The following TM7SF3 variants were observed in gnomAD, a reference collection of about 807,000 sequenced individuals.
TM7SF3 encodes seven span transmembrane protein.
Under a neutral mutation model 65.5 loss-of-function variants are expected in TM7SF3, and 60 were observed. That is an observed-to-expected ratio of 0.92 (90% CI 0.74 to 1.14). The LOEUF (loss-of-function observed/expected upper bound fraction) is 1.14, where lower values mean the gene tolerates loss of function less well. Ranked by LOEUF, TM7SF3 falls within the 50% of genes most tolerant of loss-of-function variation. The pLI, the probability that TM7SF3 is intolerant of heterozygous loss-of-function variation, is 0.00. For synonymous variants in TM7SF3, 264 were observed against 259.6 expected, an observed-to-expected ratio of 1.02 and a Z score of -0.16; for missense variants, 623 against 684.8, an observed-to-expected ratio of 0.91 and a Z score of 1.01.
intron 5 of TM7SF3, among the ~76,000 whole-genome samples, chr12:26,994,203 A>C (rs1172815278): frequency 6.6e-6 from 1 of 152,216 alleles, no homozygotes; most frequent in Non-Finnish European, 1.5e-5. Context: ...AGAGCTTCTT[A>C]TTTTGTGAAT....
In TM7SF3 at chr12:26,974,155, CCT is replaced by C. The variant is rs746160862; in HGVS notation, c.1521_1522del (p.Gly508ThrfsTer27). On this transcript the variant is annotated frameshift_variant, in exon 12 of 12. Transcript: ENST00000343028. LOFTEE classifies it high-confidence loss of function. ...TGGGTGGGGAGGGAAGAACGGTCGT[CCT>C]CTCTCTCTTCGAATCTGTAACGTAA... The C allele has an allele frequency of 2.5e-6, 4 of 1,614,136 alleles. No homozygotes were observed. The highest frequency in any genetic ancestry group is 2.2e-5 in the East Asian group (1 of 44,888).
Position 27,014,105 on chromosome 12 carries a change from C to T in TM7SF3, c.64G>A (p.Ala22Thr), listed in dbSNP as rs769051350. ...TCGCTGGAATTCCCGAAGACCTCGG[C>T]TGCACCAGCCACCCGGTGTTCGGAT... The part of the protein sequence containing the change: ...LASEHRVAGA[A>T]EVFGNSSEGL... Residue 22 changes from alanine (A) to threonine (T), a missense_variant, in exon 1 of 12, where the codon GCC becomes ACC. By Grantham distance (58) the Ala-to-Thr change is moderately conservative. Coordinates refer to ENST00000343028, the MANE Select transcript of TM7SF3 (RefSeq NM_016551.3). 1.9e-6 allele frequency: 3 copies of T among 1,572,866 alleles called. No homozygotes were observed. In the South Asian group the frequency reaches 3.5e-5, roughly 18 times the overall value.
intron 6 of TM7SF3, among the ~76,000 whole-genome samples, chr12:26,989,451 A>C (rs1394028146): frequency 6.6e-6 from 1 of 152,116 alleles, no homozygotes; most frequent in African/African-American, 2.4e-5. Flanking sequence ...AAAAAAGAAA[A>C]GAGTTATACA....
intron 8 of TM7SF3, chr12:26,980,334 C>A: frequency 1.8e-6 from 1 of 547,312 alleles, no homozygotes. Flanking sequence ...GGTCTATAAT[C>A]AATATGGCCC....
chr12:26,974,611 C>A (rs1398984539), intron 11 of TM7SF3, among the ~76,000 whole-genome samples: 1 of 152,102 alleles, frequency 6.6e-6, no homozygotes, highest in Non-Finnish European at 1.5e-5. Context: ...ACATCAGATT[C>A]CACCACGCTC....
At chr12:27,000,326 T>C (rs1940778167) in intron 2 of TM7SF3, among the ~76,000 whole-genome samples, 2 of 152,242 alleles carry the variant, frequency 1.3e-5, no homozygotes, top group Non-Finnish European at 2.9e-5. Flanking sequence ...AGATTTACTA[T>C]GTCAAATAAT....
At chr12:27,002,663 A>G (rs1264374127) in intron 2 of TM7SF3, among the ~76,000 whole-genome samples, 1 of 152,174 alleles carries the variant, frequency 6.6e-6, no homozygotes, top group African/African-American at 2.4e-5. Flanking sequence ...TAACCCAGAG[A>G]ATTTTAAAAA....
Position 26,972,806 on chromosome 12 carries a change from A to C in TM7SF3, c.*1159T>G, listed in dbSNP as rs1273756253. Among the ~76,000 whole-genome samples the C allele has an allele frequency of 6.6e-6, 1 of 151,946 alleles. No homozygotes were observed. The highest frequency in any genetic ancestry group is 2.4e-5 in the African/African-American group (1 of 41,338). On this transcript the variant is annotated 3_prime_UTR_variant, in exon 12 of 12. Transcript: ENST00000343028. ...TAAAAACAAAAGTAATCCATATGTC[A>C]TCTAATGCAGTTAAATTAAAGATCA...
At chr12:26,996,298 A>G (rs923659730) in intron 4 of TM7SF3, among the ~76,000 whole-genome samples, 8 of 152,268 alleles carry the variant, frequency 5.3e-5, no homozygotes, top group Non-Finnish European at 7.3e-5. Context: ...GGCAAAGAAC[A>G]TAACAACACT....
rs189834805 is a variant in TM7SF3 at position 26,999,247 on chromosome 12, T to C, written c.397+279A>G. 1.3e-5 allele frequency among the ~76,000 whole-genome samples: 2 copies of C among 152,026 alleles called. 1 individual carries two copies. The highest frequency in any genetic ancestry group is 4.8e-5 in the African/African-American group (2 of 41,480). On this transcript the variant is annotated intron_variant, in intron 3 of 11. Transcript: ENST00000343028. The stretch of plus-strand genomic sequence containing the variant: ...CCATCTCTACTAAAAATACAAAAAA[T>C]TAGCTGGGCCTGGTGGCGGGCGCCT...
In TM7SF3 at chr12:26,995,421, A is replaced by C. The variant is rs775489258; in HGVS notation, c.519-13T>G. Reference sequence around the variant, plus strand: ...GGGATCTACGCCTCTAAAGTCAACCAACAAAATGAAACATCAGTCTCTTGT... The same window carrying C: ...GGGATCTACGCCTCTAAAGTCAACCCACAAAATGAAACATCAGTCTCTTGT... On this transcript the variant is annotated splice_polypyrimidine_tract_variant and intron_variant, in intron 4 of 11. Transcript: ENST00000343028. 1.6e-5 allele frequency: 26 copies of C among 1,613,866 alleles called. 1 individual carries two copies. The South Asian group carries it at 2.6e-4, about 16-fold the overall frequency.
At chr12:27,002,900 T>A (rs980196293) in intron 2 of TM7SF3, among the ~76,000 whole-genome samples, 9 of 152,258 alleles carry the variant, frequency 5.9e-5, no homozygotes, top group African/African-American at 2.2e-4. Context: ...TATTCTCAGG[T>A]AAAAGTTATT....
chr12:26,982,817 A>C lies in TM7SF3; in HGVS notation c.911T>G (p.Leu304Arg). Residue 304 changes from leucine (L) to arginine (R), a missense_variant, in exon 7 of 12, where the codon CTT becomes CGT. Physicochemically the swap from Leu to Arg is moderately radical, Grantham distance 102. Transcript: ENST00000343028. ...TCCAAAGAAACAAATGAAGAAACCA[A>C]GCAGGGCAAAAAGAGTGAAGAACAC... is the stretch of plus-strand genomic sequence containing the variant. ...SKVFFTLFALLGFFICFFGHR... is the reference protein window; with the variant it reads ...SKVFFTLFALRGFFICFFGHR... 1 of 1,610,844 alleles carries C rather than the reference A, an allele frequency of 6.2e-7. No homozygotes were observed. Among genetic ancestry groups the C allele is most frequent in the African/African-American group, 1.3e-5 (1 of 74,910 alleles).
chr12:26,984,453 A>C (rs1036279696), intron 6 of TM7SF3, among the ~76,000 whole-genome samples: 3 of 150,112 alleles, frequency 2.0e-5, no homozygotes, highest in East Asian at 2.0e-4. Flanking sequence ...GAAAAACAAA[A>C]AAAAAAAACC....
At chr12:26,977,546 G>C (rs1939620177) in intron 9 of TM7SF3, among the ~76,000 whole-genome samples, 1 of 150,428 alleles carries the variant, frequency 6.6e-6, no homozygotes, top group Non-Finnish European at 1.5e-5. Context: ...TTGAGGTCAG[G>C]AGTTTGAGAC....
At chr12:27,000,231 A>C (rs1240614566) in intron 2 of TM7SF3, among the ~76,000 whole-genome samples, 1 of 152,232 alleles carries the variant, frequency 6.6e-6, no homozygotes, top group Admixed American at 6.5e-5. Flanking sequence ...GTGAAGACAC[A>C]AACATTCTGT....
chr12:26,991,009 A>T (rs1195035783), intron 5 of TM7SF3, among the ~76,000 whole-genome samples: 1 of 152,180 alleles, frequency 6.6e-6, no homozygotes, highest in African/African-American at 2.4e-5. Flanking sequence ...AACACAGAGG[A>T]TGTGTCCAAT....
At chr12:27,007,632 T>G (rs1227198720) in intron 1 of TM7SF3, among the ~76,000 whole-genome samples, 1 of 151,796 alleles carries the variant, frequency 6.6e-6, no homozygotes, top group Non-Finnish European at 1.5e-5. Flanking sequence ...AAAACAAATA[T>G]CCATTAAATA....
intron 1 of TM7SF3, among the ~76,000 whole-genome samples, chr12:27,013,446 AG>A (rs1941325405): frequency 6.6e-6 from 1 of 152,192 alleles, no homozygotes; most frequent in South Asian, 2.1e-4. Context: ...TGTAGAATTG[AG>A]GGTATACACA....
Sources: gnomAD v4.1 joint callset for allele counts (sites outside exome capture counted in the v4.1 genomes callset) on GRCh38, gnomAD v4.1.1 for gene constraint, MANE v1.5 for transcripts, NCBI Gene and HGNC (gene_info 2026-07-23, HGNC 2026-07-21) for gene names.